Variants in KMT2A observed in about 807,000 individuals in gnomAD.
KMT2A encodes the protein histone-lysine N-methyltransferase 2A.
KMT2A carries 16 observed loss-of-function variants against 345.3 expected under a neutral mutation model. The ratio of observed to expected loss-of-function variants is 0.05; its 90% CI spans 0.03 to 0.07. KMT2A has a LOEUF of 0.07. Among genes scored for constraint, KMT2A ranks in the 10% least tolerant of loss-of-function variants. The pLI, the probability that KMT2A is intolerant of heterozygous loss-of-function variation, is 1.00. For synonymous variants in KMT2A, 1,599 were observed against 1,778.6 expected (o/e 0.90, Z 2.54); for missense variants, 3,272 against 4,841.6 (o/e 0.68, Z 9.62).
At chr11:118,449,200 A>G (rs1204689944) in intron 1 of KMT2A, 3 of 152,050 alleles carry the variant, frequency 2.0e-5, no homozygotes, top group African/African-American at 4.8e-5. Flanking sequence ...GTTTTACAAA[A>G]TATTAAGAAC....
intron 10 of KMT2A, among the ~76,000 whole-genome samples, chr11:118,486,710 T>TA (rs528066201): frequency 1.1e-3 from 156 of 147,972 alleles, no homozygotes; most frequent in South Asian, 7.3e-3. Flanking sequence ...TCATCTCTAC[T>TA]AAAAAAAAAA....
rs9332767 is a variant in KMT2A, at chr11:118,470,501, T to C, written c.503-1161T>C. ...GCTTCATTATTTGAGAAATGAGACA[T>C]GGTTTCTCTGCTGTCTCCTAGTTTA... On this transcript the variant is annotated intron_variant, in intron 2 of 35. Transcript: ENST00000534358. Among the ~76,000 whole-genome samples the C allele has an allele frequency of 5.3e-5, 8 of 152,214 alleles. No homozygotes were observed. In the South Asian group the frequency reaches 1.2e-3, roughly 24 times the overall value.
At chr11:118,437,358 T>C (rs1030864809) in intron 1 of KMT2A, among the ~76,000 whole-genome samples, 5 of 151,944 alleles carry the variant, frequency 3.3e-5, no homozygotes, top group Admixed American at 6.5e-5. Flanking sequence ...GTGTTACTCC[T>C]AGGGCAGTTT....
At chr11:118,492,359 T>G (rs1555042749) in intron 15 of KMT2A, among the ~76,000 whole-genome samples, 1 of 152,220 alleles carries the variant, frequency 6.6e-6, no homozygotes. Flanking sequence ...GTTGTGAACT[T>G]TACACATTTA....
rs9332839 is a variant in KMT2A at position 118,503,061 on chromosome 11, A to G, written c.7169A>G (p.Gln2390Arg). Residue 2390 changes from glutamine to arginine, a missense_variant, in exon 27 of 36, where the codon CAA (glutamine) becomes CGA (arginine). By Grantham distance (43) the Gln-to-Arg change is conservative. Transcript: ENST00000534358. This position sits in a 1 kb window ranked among gnomAD's most constrained non-coding sequence, Gnocchi z 5.3. ...CGAGACCAACACACAGATTCTACCCAATCAGCAAACTCCTCTCCAGATGAA... is the reference window on the plus strand; with the variant it reads ...CGAGACCAACACACAGATTCTACCCGATCAGCAAACTCCTCTCCAGATGAA... ...NDRDQHTDST[Q>R]SANSSPDEDT... The G allele has an allele frequency of 6.2e-7, 1 of 1,613,100 alleles. No individual in the cohort carries two copies. Among genetic ancestry groups the G allele is most frequent in the Admixed American group, 1.7e-5 (1 of 60,018 alleles).
In KMT2A at chr11:118,486,082, C is replaced by CA. The variant is rs577532482; in HGVS notation, c.4332+1116dup. ...TGGGCGACAGAGCAAGACTCCGTCT[C>CA]AAAAAAAAATAAAAGTGTAGGGCAT... is the stretch of plus-strand genomic sequence containing the variant. On this transcript the variant is annotated intron_variant, in intron 10 of 35. Transcript: ENST00000534358. Among the ~76,000 whole-genome samples, 145 of 148,242 alleles carry CA rather than the reference C, an allele frequency of 9.8e-4. 1 individual carries two copies. The highest frequency in any genetic ancestry group is 3.2e-3 in the African/African-American group (129 of 40,358).
chr11:118,515,194 A>G (rs1444779101), intron 31 of KMT2A, among the ~76,000 whole-genome samples: 3 of 152,230 alleles, frequency 2.0e-5, no homozygotes, highest in African/African-American at 7.2e-5. Flanking sequence ...GTGCTTTCAT[A>G]TCAGCATAAC....
intron 1 of KMT2A, among the ~76,000 whole-genome samples, chr11:118,462,753 A>G (rs556928410): frequency 1.1e-3 from 173 of 152,176 alleles, no homozygotes; most frequent in African/African-American, 3.8e-3. Flanking sequence ...TAGTAGAGAC[A>G]GGGTTTCACC....
At position 118,521,303 on chromosome 11, in the gene KMT2A, C is replaced by G. The variant is rs2135293184; in HGVS notation, c.11529C>G (p.Gly3843=). The change falls in exon 35 of 36, where the codon GGC becomes GGG. Residue 3843 remains glycine, a synonymous_variant. Coordinates refer to ENST00000534358, the MANE Select transcript of KMT2A (RefSeq NM_001197104.2). This position sits in a 1 kb window ranked among gnomAD's most constrained non-coding sequence, Gnocchi z 5.3. Reference sequence around the variant, plus strand: ...TTTGTCCTAGGTCTCCCATCCATGGCCGGGGTCTTTTCTGTAAGAGAAACA... The same window carrying G: ...TTTGTCCTAGGTCTCCCATCCATGGGCGGGGTCTTTTCTGTAAGAGAAACA... The part of the protein sequence containing the change: ...AVGVYRSPIH[G]RGLFCKRNID... The G allele has an allele frequency of 1.9e-6, 3 of 1,613,922 alleles. No homozygotes were observed. The highest frequency in any genetic ancestry group is 2.5e-6 in the Non-Finnish European group (3 of 1,179,902).
intron 1 of KMT2A, among the ~76,000 whole-genome samples, chr11:118,437,932 G>T (rs1209864769): frequency 6.6e-6 from 1 of 152,094 alleles, no homozygotes; most frequent in Non-Finnish European, 1.5e-5. Flanking sequence ...GACTGAGGCA[G>T]CATCCTCCCA....
rs150055331 is a variant in KMT2A at position 118,523,503 on chromosome 11, T to G, written c.*1331T>G. 115 of 223,688 alleles carry G rather than the reference T, an allele frequency of 5.1e-4. 1 individual carries two copies. Among genetic ancestry groups the G allele is most frequent in the East Asian group, 5.0e-3 (77 of 15,306 alleles). 13.9% of individuals were successfully genotyped at this position (223,688 alleles called of 1,614,324 possible). Reference sequence around the variant, plus strand: ...TTTCCCCAAGACAGAGTCCTGAACCTGTTAAATTAAGTCATTGGATTTTAC... The same window carrying G: ...TTTCCCCAAGACAGAGTCCTGAACCGGTTAAATTAAGTCATTGGATTTTAC... On this transcript the variant is annotated 3_prime_UTR_variant, in exon 36 of 36. Coordinates refer to ENST00000534358, the MANE Select transcript of KMT2A (RefSeq NM_001197104.2).
At chr11:118,447,727 A>G (rs1949451515) in intron 1 of KMT2A, 1 of 416,140 alleles carries the variant, frequency 2.4e-6, no homozygotes, top group Admixed American at 3.0e-5. Flanking sequence ...AAAGGTTGAG[A>G]GAATGAAAGG....
chr11:118,522,069 G>A lies in KMT2A; in HGVS notation c.11816G>A (p.Arg3939Gln), dbSNP rs1308143825. The A allele has an allele frequency of 3.1e-6, 5 of 1,614,086 alleles. No individual in the cohort carries two copies. The highest frequency in any genetic ancestry group is 1.1e-5 in the South Asian group (1 of 91,082). ...IVIFAMRKIY[R>Q]GEELTYDYKF... ...ATCTTTGCCATGCGTAAGATCTACC[G>A]AGGAGAGGAACTCACTTACGACTAT... Residue 3939 changes from arginine to glutamine, a missense_variant, in exon 36 of 36, where the codon CGA (arginine) becomes CAA (glutamine). Transcript: ENST00000534358. The surrounding 1 kb of genome is among the most constrained non-coding windows in gnomAD (Gnocchi z 5.4).
chr11:118,441,204 A>G (rs559726304), intron 1 of KMT2A, among the ~76,000 whole-genome samples: 72 of 151,866 alleles, frequency 4.7e-4, no homozygotes, highest in African/African-American at 1.7e-3. Flanking sequence ...GGGTCTCACT[A>G]TGTTGCCCAG....
chr11:118,481,297 A>T (rs536867346), intron 6 of KMT2A, among the ~76,000 whole-genome samples: 1 of 151,952 alleles, frequency 6.6e-6, no homozygotes, highest in Non-Finnish European at 1.5e-5. Context: ...CTCTATCTCC[A>T]TAAGTTCAAT....
Position 118,520,115 on chromosome 11 carries a change from A to G in KMT2A, c.11429+51A>G. On this transcript the variant is annotated intron_variant, in intron 33 of 35. Transcript: ENST00000534358. This position sits in a 1 kb window ranked among gnomAD's most constrained non-coding sequence, Gnocchi z 4.3. ...TTAGAAACTGCTTTCCCTCTCCTCC[A>G]GCTGGTCAGGGCACTACGTAGGAAT... 8.2e-7 allele frequency: 1 copy of G among 1,224,516 alleles called. No homozygotes were observed. Among genetic ancestry groups the G allele is most frequent in the African/African-American group, 1.5e-5 (1 of 67,216 alleles). The allele number at this position is 1,224,516 out of a possible 1,614,324, so 75.9% of individuals were successfully genotyped here. A position where few individuals can be genotyped will look rare whatever the true frequency, so the allele number is the denominator to read the frequency against.
intron 1 of KMT2A, among the ~76,000 whole-genome samples, chr11:118,458,599 C>T (rs1949690500): frequency 6.6e-6 from 1 of 152,130 alleles, no homozygotes; most frequent in Admixed American, 6.5e-5. Flanking sequence ...TGTTTCTATC[C>T]TCAGAGTACA....
At position 118,436,594 on chromosome 11, in the gene KMT2A, G is replaced by T. The variant is rs782113710; in HGVS notation, c.82G>T (p.Gly28Trp). Residue 28 changes from glycine (G) to tryptophan (W), a missense_variant, in exon 1 of 36, where the codon GGG becomes TGG. This residue lies in a region of KMT2A where 412 missense variants were observed against 511.0 expected (regional missense o/e 0.81). Coordinates refer to ENST00000534358, the MANE Select transcript of KMT2A (RefSeq NM_001197104.2). The surrounding 1 kb of genome is among the most constrained non-coding windows in gnomAD (Gnocchi z 6.9). Reference protein sequence around the residue: ...GGGGGGRRGLGGAPRQRVPAL... With the variant: ...GGGGGGRRGLWGAPRQRVPAL... ...CGGCGGCGGGGGGCGCCGGGGCCTAGGGGGCGCCCCGCGGCAACGCGTCCC... is the reference window on the plus strand; with the variant it reads ...CGGCGGCGGGGGGCGCCGGGGCCTATGGGGCGCCCCGCGGCAACGCGTCCC... 33 of 1,173,506 alleles carry T rather than the reference G, an allele frequency of 2.8e-5. No individual in the cohort carries two copies. Among genetic ancestry groups the T allele is most frequent in the Non-Finnish European group, 3.5e-5 (33 of 944,322 alleles). The allele number at this position is 1,173,506 out of a possible 1,614,324, so 72.7% of individuals were successfully genotyped here. A position where few individuals can be genotyped will look rare whatever the true frequency, so the allele number is the denominator to read the frequency against.
Position 118,436,888 on chromosome 11 carries a change from C to T in KMT2A, c.376C>T (p.Leu126=). ...LQVSAAIGTN[L]RRFRAVFGES... Reference sequence around the variant, plus strand: ...GGTCTCGGCCGCCATCGGCACCAACCTGCGCCGGTTCCGGGCCGTGTTTGG... The same window carrying T: ...GGTCTCGGCCGCCATCGGCACCAACTTGCGCCGGTTCCGGGCCGTGTTTGG... Residue 126 remains leucine, a synonymous_variant, in exon 1 of 36, where the codon CTG becomes TTG. Transcript: ENST00000534358. The surrounding 1 kb of genome is among the most constrained non-coding windows in gnomAD (Gnocchi z 6.9). The T allele has an allele frequency of 1.3e-6, 2 of 1,590,428 alleles. No homozygotes were observed. The highest frequency in any genetic ancestry group is 1.7e-6 in the Non-Finnish European group (2 of 1,168,736).
Sources: gnomAD v4.1 joint callset for allele counts (sites outside exome capture counted in the v4.1 genomes callset) on GRCh38, gnomAD v4.1.1 for gene constraint, gnomAD v4.1.1 regional missense constraint, Gnocchi (gnomAD v3.1) non-coding constraint, MANE v1.5 for transcripts, NCBI Gene and HGNC (gene_info 2026-07-23, HGNC 2026-07-21) for gene names.